The following RANGAP1 variants were observed in gnomAD, a reference collection of about 807,000 sequenced individuals.
RANGAP1 encodes the protein Ran GTPase activating protein 1, also known as ran GTPase-activating protein 1.
RANGAP1 carries 38 observed loss-of-function variants against 63.5 expected under a neutral mutation model. The observed-to-expected ratio is 0.60, with a 90% CI of 0.46 to 0.78. The LOEUF is 0.78. RANGAP1 is among the 30% of genes least tolerant of loss of function. RANGAP1 has a pLI of 0.00. For synonymous variants in RANGAP1, 329 were observed against 310.5 expected, an observed-to-expected ratio of 1.06 and a Z score of -0.63; for missense variants, 630 against 740.3, an observed-to-expected ratio of 0.85 and a Z score of 1.73.
At position 41,256,013 on chromosome 22, in the gene RANGAP1, T is replaced by C. The variant is rs1293108789; in HGVS notation, c.1073+8A>G. The C allele has an allele frequency of 1.9e-6, 3 of 1,612,038 alleles. No individual in the cohort carries two copies. The African/African-American group carries it at 4.0e-5, about 22-fold the overall frequency. ...CCCCGACCTCTGGGGCCACCCCGAG[T>C]TCCCTACCTGAGGGACGCCAGCACC... On this transcript the variant is annotated splice_region_variant and intron_variant, in intron 10 of 15. Coordinates refer to ENST00000356244, the MANE Select transcript of RANGAP1 (RefSeq NM_002883.4).
chr22:41,256,353 C>A, intron 8 of RANGAP1, 63 bp from the exon 9 acceptor site: 2 of 1,513,114 alleles, frequency 1.3e-6, no homozygotes, highest in Non-Finnish European at 1.8e-6. Flanking sequence ...AGGTTCTACT[C>A]TAAGCCTCAG....
rs2033808932 is a variant in RANGAP1, at chr22:41,256,023, G to C, written c.1071C>G (p.Leu357=). The C allele has an allele frequency of 1.2e-6, 2 of 1,613,180 alleles. No homozygotes were observed. The highest frequency in any genetic ancestry group is 1.7e-6 in the Non-Finnish European group (2 of 1,179,998). The stretch of plus-strand genomic sequence containing the variant: ...TGGGGCCACCCCGAGTTCCCTACCT[G>C]AGGGACGCCAGCACCTTGGCCATGT... ...GFNMAKVLAS[L]SDDEDEEEEE... Residue 357 remains leucine, a splice_region_variant and synonymous_variant, in exon 10 of 16, where the codon CTC becomes CTG. Transcript: ENST00000356244.
At chr22:41,283,214 A>G (rs112351937) in intron 1 of RANGAP1, among the ~76,000 whole-genome samples, 1,346 of 109,574 alleles carry the variant, frequency 0.012, 8 homozygotes, top group Middle Eastern at 0.015. Flanking sequence ...TAAAAAAAAA[A>G]GGGGGGGGTT....
rs1417216564 is a variant in RANGAP1 at position 41,246,639 on chromosome 22, G to A, written c.1728C>T (p.Ala576=). ...ACAGCGTCTGCAGCAGACTGTGGCGGGCGAAGGAGCAGGATTCCAGGGCGC... is the reference window on the plus strand; with the variant it reads ...ACAGCGTCTGCAGCAGACTGTGGCGAGCGAAGGAGCAGGATTCCAGGGCGC... ...PNSALESCSF[A]RHSLLQTLYK... The change falls in exon 16 of 16, where the codon GCC becomes GCT. Residue 576 remains alanine (A), a synonymous_variant. Transcript: ENST00000356244. 4 of 1,565,010 alleles carry A rather than the reference G, an allele frequency of 2.6e-6. No homozygotes were observed. Among genetic ancestry groups the A allele is most frequent in the Non-Finnish European group, 1.7e-6 (2 of 1,153,934 alleles).
chr22:41,294,774 G>C, the RANGAP1 span, among the ~76,000 whole-genome samples: 1 of 128,702 alleles, frequency 7.8e-6, no homozygotes, highest in Non-Finnish European at 1.7e-5. Context: ...CCCTCCGCCC[G>C]GCAGCCGCCC....
chr22:41,271,722 C>T (rs2034842174), intron 3 of RANGAP1, among the ~76,000 whole-genome samples: 2 of 151,780 alleles, frequency 1.3e-5, no homozygotes, highest in Non-Finnish European at 2.9e-5. Context: ...CTTGGGCTGA[C>T]ACCTGGACTC....
At chr22:41,278,839 A>G (rs2035310304) in intron 2 of RANGAP1, among the ~76,000 whole-genome samples, 1 of 151,972 alleles carries the variant, frequency 6.6e-6, no homozygotes. Context: ...CGTCTCTACT[A>G]AAAATACAAA....
chr22:41,278,810 G>C (rs1465500034), intron 2 of RANGAP1, among the ~76,000 whole-genome samples: 1 of 152,202 alleles, frequency 6.6e-6, no homozygotes, highest in Non-Finnish European at 1.5e-5. Context: ...AAACCAGCCT[G>C]GCCAACATGG....
chr22:41,286,598 T>C (rs564493965), upstream of RANGAP1, among the ~76,000 whole-genome samples: 1 of 152,318 alleles, frequency 6.6e-6, no homozygotes, highest in African/African-American at 2.4e-5. Context: ...GACACAGGTA[T>C]CCATTTCCCG....
chr22:41,266,680 C>T (rs1055209021), intron 4 of RANGAP1, among the ~76,000 whole-genome samples: 2 of 152,054 alleles, frequency 1.3e-5, no homozygotes, highest in Non-Finnish European at 2.9e-5. Context: ...ATTACAAGGC[C>T]CCTGCCATCA....
At chr22:41,275,491 T>TAAA (rs78691217) in intron 2 of RANGAP1, among the ~76,000 whole-genome samples, 1 of 144,130 alleles carries the variant, frequency 6.9e-6, no homozygotes, top group African/African-American at 2.6e-5. Context: ...GACTCCATCT[T>TAAA]AAAAAAAAGT....
At chr22:41,261,728 C>A in intron 5 of RANGAP1, 148 bp from the exon 6 acceptor site, 1 of 875,698 alleles carries the variant, frequency 1.1e-6, no homozygotes, top group Non-Finnish European at 1.7e-6. Flanking sequence ...TCAACAGTCA[C>A]ACCTTAAATA....
chr22:41,251,439 A>C (rs1337077843), intron 12 of RANGAP1, among the ~76,000 whole-genome samples: 2 of 152,110 alleles, frequency 1.3e-5, no homozygotes, highest in Non-Finnish European at 2.9e-5. Flanking sequence ...CAGCCTAGGC[A>C]ACATAGCAAG....
chr22:41,287,818 C>G (rs1424871148), upstream of RANGAP1, among the ~76,000 whole-genome samples: 1 of 151,968 alleles, frequency 6.6e-6, no homozygotes, highest in African/African-American at 2.4e-5. Flanking sequence ...GAAACCCCGT[C>G]TCTACTAAAA....
At chr22:41,258,145 G>C (rs1457521543) in intron 6 of RANGAP1, 39 bp from the exon 7 acceptor site, 4 of 1,555,602 alleles carry the variant, frequency 2.6e-6, no homozygotes, top group Non-Finnish European at 3.5e-6. Context: ...GGCCCCGAGT[G>C]CCAGGTGACA....
the RANGAP1 span, among the ~76,000 whole-genome samples, chr22:41,300,833 C>G: frequency 6.6e-6 from 1 of 152,110 alleles, no homozygotes; most frequent in Admixed American, 6.6e-5. Context: ...TGTCTGATCA[C>G]CTTGCCCTGC....
At chr22:41,288,679 C>G (rs2035801290), upstream of RANGAP1, among the ~76,000 whole-genome samples, 1 of 152,048 alleles carries the variant, frequency 6.6e-6, no homozygotes, top group Non-Finnish European at 1.5e-5. Context: ...CGTCCTCATC[C>G]AGCTGATAGG....
rs952866188 is a variant in RANGAP1 at position 41,253,687 on chromosome 22, A to C, written c.1260+621T>G. 8.5e-5 allele frequency among the ~76,000 whole-genome samples: 13 copies of C among 152,348 alleles called. No homozygotes were observed. In the East Asian group the frequency reaches 2.5e-3, roughly 29 times the overall value. On this transcript the variant is annotated intron_variant, in intron 11 of 15. Transcript: ENST00000356244. ...TCCTCTGGTGGGTGGGGAAAAAAAA[A>C]ATCAGAATTTCTATTTATGCTTATT... is the stretch of plus-strand genomic sequence containing the variant.
At chr22:41,301,798 C>A in the RANGAP1 span, 1 of 152,104 alleles carries the variant, frequency 6.6e-6, no homozygotes, top group African/African-American at 2.4e-5. Flanking sequence ...GGCCCGAGCC[C>A]CGCGGGGCAG....
Sources: allele counts gnomAD v4.1 joint callset (sites outside exome capture counted in the v4.1 genomes callset), GRCh38; gene constraint gnomAD v4.1.1; transcripts MANE v1.5; gene names NCBI Gene and HGNC (gene_info 2026-07-23, HGNC 2026-07-21).